Variants in KIF26B observed in about 807,000 individuals in gnomAD.
The protein encoded by KIF26B is kinesin-like protein KIF26B.
KIF26B carries 63 observed loss-of-function variants against 151.2 expected under a neutral mutation model. The observed-to-expected ratio is 0.42, with a 90% CI of 0.34 to 0.51. The LOEUF (loss-of-function observed/expected upper bound fraction) is 0.51, where lower values mean the gene tolerates loss of function less well. Ranked by LOEUF, KIF26B falls within the 20% of genes least tolerant of loss-of-function variation. The pLI, the probability that KIF26B is intolerant of heterozygous loss-of-function variation, is 0.07. For missense variants in KIF26B, 2,813 were observed against 2,913.6 expected, an observed-to-expected ratio of 0.97 and a Z score of 0.79; for synonymous variants, 1,357 against 1,262.1, an observed-to-expected ratio of 1.08 and a Z score of -1.59.
intron 4 of KIF26B, among the ~76,000 whole-genome samples, chr1:245,428,644 G>A (rs538852844): frequency 1.3e-5 from 2 of 152,298 alleles, no homozygotes; most frequent in Non-Finnish European, 2.9e-5. Flanking sequence ...CTGAGATGGT[G>A]AGCTACGCTA....
intron 2 of KIF26B, among the ~76,000 whole-genome samples, chr1:245,188,879 G>T (rs1219915874): frequency 1.3e-5 from 2 of 152,212 alleles, no homozygotes; most frequent in Non-Finnish European, 2.9e-5. Flanking sequence ...GTTCAGAAAA[G>T]GAGTGAAATT....
intron 2 of KIF26B, among the ~76,000 whole-genome samples, chr1:245,335,010 C>T (rs760516021): frequency 3.3e-5 from 5 of 152,152 alleles, no homozygotes; most frequent in Admixed American, 6.5e-5. Flanking sequence ...CAGCATGTTC[C>T]GCTGGGGCTG....
intron 5 of KIF26B, among the ~76,000 whole-genome samples, chr1:245,593,423 T>G (rs2043309997): frequency 6.6e-6 from 1 of 152,184 alleles, no homozygotes; most frequent in Admixed American, 6.5e-5. Flanking sequence ...CATGCAGTGT[T>G]TGGTTTTCTA....
intron 12 of KIF26B, among the ~76,000 whole-genome samples, chr1:245,690,787 A>G (rs2044614861): frequency 6.6e-6 from 1 of 151,426 alleles, no homozygotes; most frequent in Admixed American, 6.6e-5. Context: ...ACTCTGCTTT[A>G]CTTCACCCCT....
intron 9 of KIF26B, among the ~76,000 whole-genome samples, chr1:245,638,603 A>T (rs544839623): frequency 6.6e-6 from 1 of 151,984 alleles, no homozygotes; most frequent in Admixed American, 6.6e-5. Context: ...TAACCTATTC[A>T]GTATGACATA....
At chr1:245,671,360 G>A (rs1042611649) in intron 10 of KIF26B, among the ~76,000 whole-genome samples, 1 of 152,166 alleles carries the variant, frequency 6.6e-6, no homozygotes, top group Non-Finnish European at 1.5e-5. Flanking sequence ...CAAGCATGTT[G>A]AGTAACATAA....
intron 2 of KIF26B, among the ~76,000 whole-genome samples, chr1:245,362,364 T>TAAAAA (rs775148578): frequency 1.2e-5 from 1 of 82,562 alleles, no homozygotes; most frequent in African/African-American, 4.3e-5. Context: ...CCGTCTCTAC[T>TAAAAA]AAAAAAAAAA....
At chr1:245,680,219 C>T (rs1381528321) in intron 10 of KIF26B, among the ~76,000 whole-genome samples, 2 of 151,890 alleles carry the variant, frequency 1.3e-5, no homozygotes, top group Admixed American at 6.6e-5. Flanking sequence ...TGTCTTTATT[C>T]CAAGTTAAAT....
At chr1:245,593,858 G>A (rs769660865) in intron 5 of KIF26B, among the ~76,000 whole-genome samples, 16 of 152,066 alleles carry the variant, frequency 1.1e-4, no homozygotes, top group African/African-American at 2.2e-4. Flanking sequence ...TTTAATGATC[G>A]CCATTCTAAC....
At chr1:245,469,900 A>G (rs1659873940) in intron 4 of KIF26B, among the ~76,000 whole-genome samples, 1 of 152,200 alleles carries the variant, frequency 6.6e-6, no homozygotes, top group Non-Finnish European at 1.5e-5. Context: ...AAACAGGTGC[A>G]GAAAGCAGTC....
chr1:245,501,729 A>G (rs1261530758), intron 4 of KIF26B, among the ~76,000 whole-genome samples: 1 of 152,230 alleles, frequency 6.6e-6, no homozygotes, highest in African/African-American at 2.4e-5. Flanking sequence ...GACTAGCCAC[A>G]TATTTAGAGG....
At chr1:245,320,365 G>T (rs73130844) in intron 2 of KIF26B, among the ~76,000 whole-genome samples, 2,538 of 152,276 alleles carry the variant, frequency 0.017, 80 homozygotes, top group African/African-American at 0.058. Flanking sequence ...TGAATGAAAA[G>T]TACAGAATTC....
intron 2 of KIF26B, among the ~76,000 whole-genome samples, chr1:245,288,040 T>C (rs551362228): frequency 1.3e-5 from 2 of 152,098 alleles, no homozygotes; most frequent in Non-Finnish European, 2.9e-5. Flanking sequence ...TCAAGTTCCA[T>C]ATACCAAATT....
intron 9 of KIF26B, among the ~76,000 whole-genome samples, chr1:245,617,192 T>C (rs2043600129): frequency 6.6e-6 from 1 of 152,168 alleles, no homozygotes; most frequent in Non-Finnish European, 1.5e-5. Flanking sequence ...ACCTCCTGGG[T>C]TCCCCGCGAT....
intron 9 of KIF26B, among the ~76,000 whole-genome samples, chr1:245,645,083 C>A (rs2043932876): frequency 6.6e-6 from 1 of 152,166 alleles, no homozygotes; most frequent in Non-Finnish European, 1.5e-5. Context: ...CAAGAACTCA[C>A]TCATTACCAT....
chr1:245,527,366 T>A (rs1198576398), intron 4 of KIF26B, among the ~76,000 whole-genome samples: 2 of 152,094 alleles, frequency 1.3e-5, no homozygotes, highest in Non-Finnish European at 2.9e-5. Flanking sequence ...ATTGTCTTTC[T>A]CTGTCTATAT....
chr1:245,164,638 T>C (rs111256603), intron 2 of KIF26B, among the ~76,000 whole-genome samples: 109 of 152,284 alleles, frequency 7.2e-4, no homozygotes, highest in African/African-American at 2.4e-3. Flanking sequence ...ACAGTATTTG[T>C]ATGAGTGCGT....
intron 2 of KIF26B, among the ~76,000 whole-genome samples, chr1:245,293,578 C>T (rs1335726950): frequency 7.2e-6 from 1 of 139,424 alleles, no homozygotes; most frequent in Non-Finnish European, 1.5e-5. Context: ...TCTTTCTTTC[C>T]TTTTTTTTTT....
rs1480924185 is a variant in KIF26B at position 245,303,003 on chromosome 1, A to AG, written c.466-63831_466-63830insG. Among the ~76,000 whole-genome samples the AG allele has an allele frequency of 1.4e-3, 210 of 149,686 alleles. 1 individual carries two copies. The highest frequency in any genetic ancestry group is 4.9e-3 in the African/African-American group (202 of 40,878). On this transcript the variant is annotated intron_variant, in intron 2 of 14. Coordinates refer to ENST00000407071, the MANE Select transcript of KIF26B (RefSeq NM_018012.4). ...GACTCTGTCTCAAAAAAAAAAAAAA[A>AG]AAAAAAAAAAGAAAGAAATGGCAAA... is the stretch of plus-strand genomic sequence containing the variant.
Sources: gnomAD v4.1 joint callset for allele counts (sites outside exome capture counted in the v4.1 genomes callset) on GRCh38, gnomAD v4.1.1 for gene constraint, MANE v1.5 for transcripts, NCBI Gene and HGNC (gene_info 2026-07-23, HGNC 2026-07-21) for gene names.